The following APBB2 variants were observed in gnomAD, a reference collection of about 807,000 sequenced individuals.
The protein encoded by APBB2 is Fe65-like 1.
Under a neutral mutation model 82.5 loss-of-function variants are expected in APBB2, and 38 were observed. The observed-to-expected ratio is 0.46, with a 90% CI of 0.36 to 0.60. The LOEUF is 0.60. Among genes scored for constraint, APBB2 ranks in the 20% least tolerant of loss-of-function variants. The probability of loss-of-function intolerance (pLI) is 0.00; values close to 1 mark genes in which losing one functional copy is unlikely to be tolerated. For missense variants in APBB2, 772 were observed against 972.3 expected (o/e 0.79, Z 2.74); for synonymous variants, 341 against 368.2 (o/e 0.93, Z 0.85).
chr4:41,024,348 T>C (rs1018263119), intron 5 of APBB2, among the ~76,000 whole-genome samples: 2 of 152,202 alleles, frequency 1.3e-5, no homozygotes, highest in Non-Finnish European at 2.9e-5. Context: ...ACTTATGAGC[T>C]TCTGCACAGC....
In APBB2 at chr4:41,013,650, G is replaced by A. The variant is rs769129736; in HGVS notation, c.768C>T (p.Ser256=). Residue 256 remains serine, a synonymous_variant, in exon 6 of 18, where the codon AGC becomes AGT. Transcript: ENST00000508593. ...ACGTTGTCCAGCTGGACTCCTCATCGCTCGGTGCCAGGTTCTGGATCCGGT... is the reference window on the plus strand; with the variant it reads ...ACGTTGTCCAGCTGGACTCCTCATCACTCGGTGCCAGGTTCTGGATCCGGT... The part of the protein sequence containing the change: ...ALHRIQNLAP[S]DEESSWTTLS... 18 of 1,614,058 alleles carry A rather than the reference G, an allele frequency of 1.1e-5. No homozygotes were observed. The highest frequency in any genetic ancestry group is 2.7e-5 in the African/African-American group (2 of 74,930).
chr4:41,055,625 C>T (rs1727572095), intron 4 of APBB2, among the ~76,000 whole-genome samples: 1 of 152,216 alleles, frequency 6.6e-6, no homozygotes, highest in Non-Finnish European at 1.5e-5. Context: ...GGTTGTCACA[C>T]CCCTCTGACT....
At chr4:40,901,938 TGTG>T (rs1159392225) in intron 10 of APBB2, among the ~76,000 whole-genome samples, 201 of 151,572 alleles carry the variant, frequency 1.3e-3, no homozygotes, top group African/African-American at 4.7e-3. Context: ...TGTGTGTGTG[TGTG>T]TGATGGAAAG....
intron 12 of APBB2, among the ~76,000 whole-genome samples, chr4:40,889,194 G>A (rs1771251782): frequency 6.6e-6 from 1 of 152,250 alleles, no homozygotes; most frequent in South Asian, 2.1e-4. Flanking sequence ...TGAGAAGAAA[G>A]ACACTTCAGC....
intron 11 of APBB2, chr4:40,892,581 T>A (rs1159891188): frequency 6.6e-6 from 1 of 152,246 alleles, no homozygotes; most frequent in Non-Finnish European, 1.5e-5. Flanking sequence ...TATCTATTCA[T>A]GTAGCAAACA....
intron 6 of APBB2, among the ~76,000 whole-genome samples, chr4:40,970,627 C>T (rs4861344): frequency 0.17 from 25,964 of 152,042 alleles, 2,560 homozygotes; most frequent in Middle Eastern, 0.23. Flanking sequence ...GTAGTTCTCC[C>T]GAGGGGTACT....
intron 12 of APBB2, among the ~76,000 whole-genome samples, chr4:40,838,468 T>C (rs567185057): frequency 1.9e-4 from 29 of 152,092 alleles, no homozygotes; most frequent in African/African-American, 7.0e-4. Flanking sequence ...CCTGAGTAGT[T>C]GGGACTACAG....
chr4:41,060,123 C>T (rs1183797871), intron 4 of APBB2, among the ~76,000 whole-genome samples: 1 of 152,172 alleles, frequency 6.6e-6, no homozygotes. Context: ...ACAACCTCTA[C>T]TGAAGAGACT....
At chr4:40,890,558 C>T in intron 11 of APBB2, 67 bp from the exon 12 acceptor site, 1 of 1,580,228 alleles carries the variant, frequency 6.3e-7, no homozygotes, top group Non-Finnish European at 8.6e-7. Flanking sequence ...GTGTGTGTGG[C>T]CATCTAGGAA....
At chr4:40,822,169 G>A in intron 16 of APBB2, 119 bp from the exon 17 acceptor site, 1 of 1,229,258 alleles carries the variant, frequency 8.1e-7, no homozygotes, top group Admixed American at 2.1e-5. Context: ...AAGGACCTGT[G>A]TTTTTCTCGA....
intron 1 of APBB2, among the ~76,000 whole-genome samples, chr4:41,196,098 G>A: frequency 6.6e-6 from 1 of 151,702 alleles, no homozygotes; most frequent in Non-Finnish European, 1.5e-5. Context: ...GGCGGAGCTT[G>A]CAGTGAGCCA....
chr4:41,186,744 G>C (rs1364398001), intron 1 of APBB2, among the ~76,000 whole-genome samples: 2 of 152,120 alleles, frequency 1.3e-5, no homozygotes, highest in Admixed American at 6.5e-5. Context: ...ATTTAATACA[G>C]CACTATTATT....
chr4:40,876,031 C>A (rs936892735), intron 12 of APBB2, among the ~76,000 whole-genome samples: 1 of 152,068 alleles, frequency 6.6e-6, no homozygotes, highest in African/African-American at 2.4e-5. Flanking sequence ...TTTTTTGAAA[C>A]CTTTTCAAAT....
intron 4 of APBB2, among the ~76,000 whole-genome samples, chr4:41,039,198 A>C (rs1720404930): frequency 6.6e-6 from 1 of 152,234 alleles, no homozygotes; most frequent in Admixed American, 6.5e-5. Flanking sequence ...GCTTTGCAGA[A>C]TAAGACAATC....
At chr4:40,948,781 A>T (rs989984025) in intron 6 of APBB2, among the ~76,000 whole-genome samples, 15 of 149,326 alleles carry the variant, frequency 1.0e-4, no homozygotes, top group African/African-American at 3.7e-4. Context: ...AAAAAAAAAA[A>T]AAGAGCCTAA....
chr4:40,936,741 A>C (rs1785466342), intron 7 of APBB2, among the ~76,000 whole-genome samples: 1 of 152,210 alleles, frequency 6.6e-6, no homozygotes, highest in Admixed American at 6.5e-5. Context: ...AATTTCTCTT[A>C]ATGAATAAAG....
chr4:40,904,978 C>T (rs1031198384), intron 10 of APBB2, among the ~76,000 whole-genome samples: 14 of 152,136 alleles, frequency 9.2e-5, no homozygotes, highest in Admixed American at 7.9e-4. Context: ...ATGCATGGCC[C>T]TTTGAAGCCC....
chr4:41,149,753 G>A (rs527608032), intron 1 of APBB2, among the ~76,000 whole-genome samples: 5 of 152,086 alleles, frequency 3.3e-5, no homozygotes, highest in Non-Finnish European at 5.9e-5. Context: ...GGGACCCAGT[G>A]GGCGGTAACT....
At chr4:40,880,994 T>C (rs1578166011) in intron 12 of APBB2, 1 of 985,446 alleles carries the variant, frequency 1.0e-6, no homozygotes, top group East Asian at 1.1e-4. Flanking sequence ...TAAGGGAAAC[T>C]GTTCTTGGAC....
Sources: gnomAD v4.1 joint callset for allele counts (sites outside exome capture counted in the v4.1 genomes callset) on GRCh38, gnomAD v4.1.1 for gene constraint, MANE v1.5 for transcripts, NCBI Gene and HGNC (gene_info 2026-07-23, HGNC 2026-07-21) for gene names.